ABCC1: variants seen among roughly 807,000 people sequenced by gnomAD.
The protein encoded by ABCC1 is ATP binding cassette subfamily C member 1 (ABCC1 blood group), also known as multidrug resistance-associated protein 1.
Under a neutral mutation model 172.9 loss-of-function variants are expected in ABCC1, and 83 were observed. The ratio of observed to expected loss-of-function variants is 0.48; its 90% CI spans 0.40 to 0.58. The LOEUF (loss-of-function observed/expected upper bound fraction) is 0.58, where lower values mean the gene tolerates loss of function less well. Ranked by LOEUF, ABCC1 falls within the 20% of genes least tolerant of loss-of-function variation. ABCC1 has a pLI of 0.00. For missense variants in ABCC1, 1,817 were observed against 2,002.7 expected (o/e 0.91, Z 1.77); for synonymous variants, 937 against 825.2 (o/e 1.14, Z -2.32).
rs371697149 is a variant in ABCC1, at chr16:16,106,795, C to T, written c.2793C>T (p.Thr931=). Residue 931 remains threonine (T), a synonymous_variant, in exon 21 of 31, where the codon ACC becomes ACT. Coordinates refer to ENST00000399410, the MANE Select transcript of ABCC1 (RefSeq NM_004996.4). ...ACATCAGCAGGCACCACAACAGCACCGCAGAACTGCAGAAAGCTGAGGCCA... is the reference window on the plus strand; with the variant it reads ...ACATCAGCAGGCACCACAACAGCACTGCAGAACTGCAGAAAGCTGAGGCCA... ...SGDISRHHNS[T]AELQKAEAKK... 5.1e-5 allele frequency: 83 copies of T among 1,613,972 alleles called. 1 individual carries two copies. The highest frequency in any genetic ancestry group is 4.9e-4 in the Middle Eastern group (3 of 6,084).
intron 1 of ABCC1, among the ~76,000 whole-genome samples, chr16:16,006,584 A>C (rs1203928536): frequency 6.6e-6 from 1 of 151,710 alleles, no homozygotes; most frequent in Non-Finnish European, 1.5e-5. Flanking sequence ...TTTAAGTAAA[A>C]GTAATTGAAA....
At chr16:16,021,390 G>A (rs551111318) in intron 5 of ABCC1, among the ~76,000 whole-genome samples, 2 of 151,880 alleles carry the variant, frequency 1.3e-5, no homozygotes, top group Non-Finnish European at 2.9e-5. Context: ...ACCATTTTAA[G>A]TATGCAATTC....
At chr16:15,960,589 A>G (rs2046104777) in intron 1 of ABCC1, among the ~76,000 whole-genome samples, 1 of 152,138 alleles carries the variant, frequency 6.6e-6, no homozygotes, top group Non-Finnish European at 1.5e-5. Flanking sequence ...CAAGTGCTGC[A>G]AAGACTTGAA....
chr16:16,006,071 A>G (rs948271597), intron 1 of ABCC1, among the ~76,000 whole-genome samples: 2 of 152,176 alleles, frequency 1.3e-5, no homozygotes, highest in Admixed American at 1.3e-4. Context: ...TTAAAAACAA[A>G]AAGTATGCCT....
At chr16:16,081,270 A>T (rs949390100) in intron 16 of ABCC1, among the ~76,000 whole-genome samples, 1 of 152,150 alleles carries the variant, frequency 6.6e-6, no homozygotes, top group African/African-American at 2.4e-5. Flanking sequence ...AATGACCTTT[A>T]GCTGTTGTTT....
At chr16:16,080,276 A>T (rs779091330) in intron 16 of ABCC1, among the ~76,000 whole-genome samples, 6 of 152,134 alleles carry the variant, frequency 3.9e-5, no homozygotes, top group Non-Finnish European at 8.8e-5. Flanking sequence ...TATAAATGTA[A>T]CAAAACAAAA....
chr16:16,139,235 G>C (rs762213560), intron 30 of ABCC1, among the ~76,000 whole-genome samples: 1 of 152,218 alleles, frequency 6.6e-6, no homozygotes, highest in African/African-American at 2.4e-5. Flanking sequence ...ACGGGATAGC[G>C]AGTGCTGGGC....
intron 1 of ABCC1, among the ~76,000 whole-genome samples, chr16:15,953,687 C>G (rs926814257): frequency 6.6e-6 from 1 of 152,158 alleles, no homozygotes; most frequent in Non-Finnish European, 1.5e-5. Flanking sequence ...AAGGAAGCTG[C>G]AGGTGTGTGT....
intron 1 of ABCC1, among the ~76,000 whole-genome samples, chr16:15,997,666 A>C (rs980540519): frequency 6.6e-6 from 1 of 151,980 alleles, no homozygotes; most frequent in Non-Finnish European, 1.5e-5. Flanking sequence ...TTGAGCCTTT[A>C]GGTATTGCCC....
chr16:16,086,821 C>T lies in ABCC1; in HGVS notation c.2293-3C>T, dbSNP rs2051026637. The T allele has an allele frequency of 6.2e-7, 1 of 1,613,416 alleles. No individual in the cohort carries two copies. The highest frequency in any genetic ancestry group is 1.3e-5 in the African/African-American group (1 of 75,028). On this transcript the variant is annotated splice_region_variant and splice_polypyrimidine_tract_variant and intron_variant, in intron 17 of 30. Transcript: ENST00000399410. ...ACCCACTCCTGTGTGTGTCTCTCCC[C>T]AGGGCGTGAACCTGTCTGGGGGCCA...
rs143978265 is a variant in ABCC1 at position 15,964,773 on chromosome 16, C to T, written c.48+14974C>T. Among the ~76,000 whole-genome samples the T allele has an allele frequency of 3.9e-3, 588 of 152,076 alleles. 4 individuals are homozygous for T. Among genetic ancestry groups the T allele is most frequent in the African/African-American group, 0.013 (528 of 41,486 alleles). ...ACTGAATCGATCCTCCGGCTTTGGC[C>T]TCCCAAAGTGCTGGGATCAAAGTTT... is the stretch of plus-strand genomic sequence containing the variant. On this transcript the variant is annotated intron_variant, in intron 1 of 30. Coordinates refer to ENST00000399410, the MANE Select transcript of ABCC1 (RefSeq NM_004996.4).
chr16:16,089,688 G>A (rs2152016525), intron 18 of ABCC1, among the ~76,000 whole-genome samples: 1 of 152,198 alleles, frequency 6.6e-6, no homozygotes, highest in African/African-American at 2.4e-5. Flanking sequence ...TGGGCAACAT[G>A]GTGAAACGCC....
At chr16:16,082,416 C>T (rs1444534349) in intron 16 of ABCC1, among the ~76,000 whole-genome samples, 1 of 152,162 alleles carries the variant, frequency 6.6e-6, no homozygotes, top group East Asian at 1.9e-4. Flanking sequence ...GATTTTGTTT[C>T]TACAAACGTA....
At chr16:16,079,281 CGGT>C (rs2050710025) in intron 15 of ABCC1, 68 bp from the exon 16 acceptor site, 3 of 1,582,904 alleles carry the variant, frequency 1.9e-6, no homozygotes, top group African/African-American at 1.3e-5. Flanking sequence ...AATTGAGGCT[CGGT>C]GGCCATGGGC....
intron 5 of ABCC1, among the ~76,000 whole-genome samples, chr16:16,019,255 C>T (rs931735341): frequency 8.5e-5 from 13 of 152,096 alleles, no homozygotes; most frequent in Non-Finnish European, 1.5e-4. Context: ...AGGCGCCCAT[C>T]ACCATGCTCG....
intron 1 of ABCC1, among the ~76,000 whole-genome samples, chr16:15,962,881 C>T (rs1467896274): frequency 6.6e-6 from 1 of 152,192 alleles, no homozygotes; most frequent in Non-Finnish European, 1.5e-5. Flanking sequence ...TCATCTTTCT[C>T]ATATTTCAAA....
chr16:16,034,580 C>CTTTTTTTTTT (rs35163690), intron 6 of ABCC1, among the ~76,000 whole-genome samples: 2 of 84,666 alleles, frequency 2.4e-5, no homozygotes, highest in African/African-American at 5.2e-5. Flanking sequence ...TGTATGTTAA[C>CTTTTTTTTTT]TTTTTTTTTT....
At chr16:15,995,091 A>G (rs1597084772) in intron 1 of ABCC1, among the ~76,000 whole-genome samples, 1 of 151,508 alleles carries the variant, frequency 6.6e-6, no homozygotes, top group Non-Finnish European at 1.5e-5. Context: ...AGACCACACC[A>G]TTGCACTCCA....
chr16:15,993,980 C>T (rs117581591), intron 1 of ABCC1, among the ~76,000 whole-genome samples: 3,012 of 152,166 alleles, frequency 0.02, 38 homozygotes, highest in Non-Finnish European at 0.028. Flanking sequence ...CCTCTAATCC[C>T]GGCACTCTGG....
Sources: allele counts gnomAD v4.1 joint callset (sites outside exome capture counted in the v4.1 genomes callset), GRCh38; gene constraint gnomAD v4.1.1; transcripts MANE v1.5; gene names NCBI Gene and HGNC (gene_info 2026-07-23, HGNC 2026-07-21).